TRERF1: variants seen among roughly 807,000 people sequenced by gnomAD.
TRERF1 encodes the protein transcriptional regulating factor 1, also known as transcriptional-regulating factor 1.
In TRERF1, 27 loss-of-function variants were observed where a neutral mutation model predicts 122.9. The observed-to-expected ratio is 0.22, with a 90% CI of 0.16 to 0.30. TRERF1 has a LOEUF of 0.30. TRERF1 is among the 10% of genes least tolerant of loss of function. The probability of loss-of-function intolerance (pLI) is 1.00; values close to 1 mark genes in which losing one functional copy is unlikely to be tolerated. For synonymous variants in TRERF1, 636 were observed against 641.7 expected, an observed-to-expected ratio of 0.99 and a Z score of 0.13; for missense variants, 1,248 against 1,560.3, an observed-to-expected ratio of 0.80 and a Z score of 3.37.
At chr6:42,418,160 G>C (rs966178316) in intron 2 of TRERF1, among the ~76,000 whole-genome samples, 1 of 146,862 alleles carries the variant, frequency 6.8e-6, no homozygotes, top group African/African-American at 2.5e-5. Context: ...GGGACCAGAG[G>C]TTGGTTCGTT....
chr6:42,301,590 T>C (rs1230639698), intron 3 of TRERF1, among the ~76,000 whole-genome samples: 4 of 152,166 alleles, frequency 2.6e-5, no homozygotes, highest in African/African-American at 9.7e-5. Context: ...TAAAATATAG[T>C]AAAAATGAAC....
At chr6:42,376,469 A>G (rs260233) in intron 2 of TRERF1, among the ~76,000 whole-genome samples, 27,785 of 151,682 alleles carry the variant, frequency 0.18, 5,097 homozygotes, top group African/African-American at 0.47. Flanking sequence ...CCTGTGCTGA[A>G]TCAACACCCA....
rs1172141341 is a variant in TRERF1 at position 42,263,571 on chromosome 6, A to G, written c.1636-3T>C. ...GGCAGGACCTTCTCTCCTTCCTCCT[A>G]CACAGACAATAAAGGCTTTGATCCT... On this transcript the variant is annotated splice_region_variant and splice_polypyrimidine_tract_variant and intron_variant, in intron 7 of 17. Coordinates refer to ENST00000372922, the Ensembl canonical transcript of TRERF1. The surrounding 1 kb of genome is among the most constrained non-coding windows in gnomAD (Gnocchi z 5.6). The G allele has an allele frequency of 6.6e-6, 10 of 1,513,614 alleles. No homozygotes were observed. Among genetic ancestry groups the G allele is most frequent in the Admixed American group, 2.2e-5 (1 of 45,290 alleles). The allele number at this position is 1,513,614 out of a possible 1,614,324, so 93.8% of individuals were successfully genotyped here.
chr6:42,243,121 G>A (rs1774051257), intron 15 of TRERF1, 127 bp downstream of exon 15: 1 of 746,954 alleles, frequency 1.3e-6, no homozygotes, highest in Non-Finnish European at 2.4e-6. Context: ...AGGAGAGCTG[G>A]GCTGTTGTCA....
chr6:42,388,852 G>GA (rs923493698), intron 2 of TRERF1, among the ~76,000 whole-genome samples: 2 of 152,032 alleles, frequency 1.3e-5, no homozygotes, highest in African/African-American at 2.4e-5. Context: ...CAAGATTAGA[G>GA]AAAAAAACAA....
At chr6:42,335,640 C>G (rs760988331) in intron 3 of TRERF1, among the ~76,000 whole-genome samples, 2 of 152,170 alleles carry the variant, frequency 1.3e-5, no homozygotes, top group African/African-American at 4.8e-5. Context: ...TGCACCAAGT[C>G]TAGGCACTTA....
At chr6:42,288,994 T>TGTGTGTGA (rs772469518) in intron 4 of TRERF1, among the ~76,000 whole-genome samples, 224 of 141,838 alleles carry the variant, frequency 1.6e-3, no homozygotes, top group Middle Eastern at 3.6e-3. Flanking sequence ...TGTGTGTGTG[T>TGTGTGTGA]CAAAGCACAT....
At chr6:42,329,825 C>T (rs894091467) in intron 3 of TRERF1, among the ~76,000 whole-genome samples, 3 of 151,940 alleles carry the variant, frequency 2.0e-5, no homozygotes, top group Non-Finnish European at 4.4e-5. Flanking sequence ...CCCATCTCTA[C>T]TAAAAATGCA....
chr6:42,277,937 A>C (rs924894654), intron 4 of TRERF1, among the ~76,000 whole-genome samples: 1 of 148,778 alleles, frequency 6.7e-6, no homozygotes, highest in African/African-American at 2.5e-5. Flanking sequence ...GAAGAAGAAG[A>C]AGAAGAAGAA....
chr6:42,323,800 C>T (rs1279779136), intron 3 of TRERF1, among the ~76,000 whole-genome samples: 1 of 152,144 alleles, frequency 6.6e-6, no homozygotes, highest in African/African-American at 2.4e-5. Flanking sequence ...GAGGAGGCAG[C>T]CAGTGAGACA....
exon 18 of TRERF1, chr6:42,227,665 G>A (rs1381466350): frequency 6.6e-6 from 1 of 152,244 alleles, no homozygotes; most frequent in Admixed American, 6.5e-5. Context: ...CAGGTCCTCA[G>A]TAAACACTGC....
At chr6:42,423,973 G>T (rs1038280727) in intron 2 of TRERF1, among the ~76,000 whole-genome samples, 2 of 152,146 alleles carry the variant, frequency 1.3e-5, no homozygotes, top group Non-Finnish European at 2.9e-5. Flanking sequence ...GTAATAAAAA[G>T]ATATGCTGTT....
chr6:42,347,556 A>G (rs921260676), intron 3 of TRERF1, among the ~76,000 whole-genome samples: 1 of 152,176 alleles, frequency 6.6e-6, no homozygotes, highest in Non-Finnish European at 1.5e-5. Context: ...CAACTGCAAA[A>G]CCATGTATAA....
chr6:42,296,984 T>G (rs1422567443), intron 4 of TRERF1, among the ~76,000 whole-genome samples: 1 of 152,216 alleles, frequency 6.6e-6, no homozygotes, highest in Non-Finnish European at 1.5e-5. Flanking sequence ...TTCAGCTAGT[T>G]AAAACATTTT....
intron 2 of TRERF1, among the ~76,000 whole-genome samples, chr6:42,432,377 C>G (rs1784618593): frequency 6.6e-6 from 1 of 152,212 alleles, no homozygotes. Flanking sequence ...ATCATTTCTA[C>G]TCCACACTTT....
At chr6:42,353,779 T>C (rs1562047485) in intron 3 of TRERF1, among the ~76,000 whole-genome samples, 1 of 152,206 alleles carries the variant, frequency 6.6e-6, no homozygotes, top group African/African-American at 2.4e-5. Flanking sequence ...AAGCAGGCTA[T>C]AAAGCAATTC....
chr6:42,419,397 G>A (rs1782429068), intron 2 of TRERF1, among the ~76,000 whole-genome samples: 1 of 151,844 alleles, frequency 6.6e-6, no homozygotes, highest in Admixed American at 6.6e-5. Flanking sequence ...CAGGCAGCCT[G>A]TGTTTCAAGC....
At chr6:42,353,657 T>C (rs1769922250) in intron 3 of TRERF1, among the ~76,000 whole-genome samples, 1 of 152,178 alleles carries the variant, frequency 6.6e-6, no homozygotes, top group South Asian at 2.1e-4. Context: ...GCTGGTTAAA[T>C]ACATTATGAT....
intron 4 of TRERF1, among the ~76,000 whole-genome samples, chr6:42,282,409 G>A (rs1782456284): frequency 6.6e-6 from 1 of 152,148 alleles, no homozygotes; most frequent in Non-Finnish European, 1.5e-5. Context: ...TCAGCCAGGT[G>A]TGGTGGTGCA....
Sources: gnomAD v4.1 joint callset for allele counts (sites outside exome capture counted in the v4.1 genomes callset) on GRCh38, gnomAD v4.1.1 for gene constraint, Gnocchi (gnomAD v3.1) non-coding constraint, MANE v1.5 for transcripts, NCBI Gene and HGNC (gene_info 2026-07-23, HGNC 2026-07-21) for gene names.